Variants in XPO7 observed in about 807,000 individuals in gnomAD.
The protein encoded by XPO7 is exportin-7.
XPO7 carries 21 observed loss-of-function variants against 144.3 expected under a neutral mutation model. That is an observed-to-expected ratio of 0.15 (90% CI 0.10 to 0.21). The LOEUF (loss-of-function observed/expected upper bound fraction) is 0.21. Ranked by LOEUF, XPO7 falls within the 10% of genes least tolerant of loss-of-function variation. The pLI, the probability that XPO7 is intolerant of heterozygous loss-of-function variation, is 1.00. For synonymous variants in XPO7, 580 were observed against 499.6 expected, an observed-to-expected ratio of 1.16 and a Z score of -2.15; for missense variants, 808 against 1,325.8, an observed-to-expected ratio of 0.61 and a Z score of 6.06.
intron 13 of XPO7, 44 bp downstream of exon 13, chr8:21,985,735 C>T: frequency 6.5e-7 from 1 of 1,542,634 alleles, no homozygotes; most frequent in Non-Finnish European, 9.0e-7. Context: ...CTTGCTGGCA[C>T]TTCTCCACTC....
intron 16 of XPO7, 110 bp downstream of exon 16, chr8:21,989,193 C>T (rs918767084): frequency 2.1e-6 from 2 of 974,460 alleles, no homozygotes; most frequent in Non-Finnish European, 3.0e-6. Flanking sequence ...TGTGTACTCA[C>T]ATATCTTCCA....
At chr8:21,932,386 A>G (rs562053097) in intron 1 of XPO7, among the ~76,000 whole-genome samples, 1 of 152,302 alleles carries the variant, frequency 6.6e-6, no homozygotes, top group South Asian at 2.1e-4. Flanking sequence ...ACATTTACTT[A>G]ATATTCTTTT....
chr8:21,931,318 A>C (rs1810642167), intron 1 of XPO7, among the ~76,000 whole-genome samples: 1 of 152,038 alleles, frequency 6.6e-6, no homozygotes, highest in African/African-American at 2.4e-5. Context: ...GCCTGCCACC[A>C]CACGCAGTTA....
intron 1 of XPO7, among the ~76,000 whole-genome samples, chr8:21,925,530 A>G (rs1810431652): frequency 6.6e-6 from 1 of 152,180 alleles, no homozygotes; most frequent in Admixed American, 6.5e-5. Flanking sequence ...GATTTAGATG[A>G]TGTTCATGGT....
chr8:21,977,735 A>C (rs1244666826), intron 7 of XPO7, 35 bp from the exon 8 acceptor site: 6 of 1,605,238 alleles, frequency 3.7e-6, no homozygotes, highest in South Asian at 1.1e-5. Context: ...GTTCATACTT[A>C]ATAAAGTGAT....
At chr8:21,932,550 G>A (rs1315253794) in intron 1 of XPO7, among the ~76,000 whole-genome samples, 1 of 152,010 alleles carries the variant, frequency 6.6e-6, no homozygotes. Flanking sequence ...CTTTCTTGCC[G>A]AATCTTCTAA....
chr8:21,987,315 C>T (rs1161537495), intron 14 of XPO7, 39 bp downstream of exon 14: 6 of 1,612,204 alleles, frequency 3.7e-6, no homozygotes, highest in Non-Finnish European at 5.1e-6. Context: ...GTTCTCACTT[C>T]TCACTTGTGG....
At chr8:21,951,806 G>T (rs1333701246) in intron 1 of XPO7, among the ~76,000 whole-genome samples, 2 of 147,948 alleles carry the variant, frequency 1.4e-5, no homozygotes, top group African/African-American at 4.9e-5. Context: ...TTTATGAAGA[G>T]TATGTATGGT....
intron 2 of XPO7, among the ~76,000 whole-genome samples, chr8:21,968,060 A>G (rs939890171): frequency 2.6e-5 from 4 of 152,166 alleles, no homozygotes; most frequent in Admixed American, 2.0e-4. Flanking sequence ...GCTTACCTAT[A>G]TTACGCTCTT....
chr8:21,999,232 G>A lies in XPO7; in HGVS notation c.2570G>A (p.Gly857Glu). The A allele has an allele frequency of 6.2e-7, 1 of 1,613,866 alleles. No homozygotes were observed. The highest frequency in any genetic ancestry group is 8.5e-7 in the Non-Finnish European group (1 of 1,179,886). The change falls in exon 23 of 28, where the codon GGA (glycine) becomes GAA (glutamate). Residue 857 changes from glycine to glutamate, a missense_variant. By Grantham distance (98) the Gly-to-Glu change is moderately conservative. Coordinates refer to ENST00000252512, the MANE Select transcript of XPO7 (RefSeq NM_015024.5). Reference protein sequence around the residue: ...YVNFGVFRLYGDDALDNALQT... With the variant: ...YVNFGVFRLYEDDALDNALQT... ...AATTTCGGAGTCTTTCGTCTCTATG[G>A]AGACGATGCCCTGGACAATGCTCTG...
intron 1 of XPO7, among the ~76,000 whole-genome samples, chr8:21,954,310 T>C (rs1174793014): frequency 6.6e-6 from 1 of 152,170 alleles, no homozygotes; most frequent in Admixed American, 6.5e-5. Context: ...TTGAATGTTG[T>C]ATCAAATTGA....
intron 1 of XPO7, among the ~76,000 whole-genome samples, chr8:21,925,289 A>ATG (rs1244194768): frequency 1.3e-5 from 2 of 152,214 alleles, no homozygotes; most frequent in East Asian, 3.8e-4. Flanking sequence ...CCCTTCGCAC[A>ATG]TGTGTGCATG....
rs761782919 is a variant in XPO7 at position 21,984,816 on chromosome 8, C to G, written c.1448C>G (p.Pro483Arg). 1.2e-6 allele frequency: 2 copies of G among 1,613,902 alleles called. No homozygotes were observed. The highest frequency in any genetic ancestry group is 1.7e-6 in the Non-Finnish European group (2 of 1,179,894). ...QELLQSASAS[P>R]MDIAVQEGRL... ...CTGCTACAGAGCGCCAGCGCAAGCC[C>G]AATGGACATTGCAGTGCAGGAGGGT... Residue 483 changes from proline (P) to arginine (R), a missense_variant, in exon 12 of 28, where the codon CCA becomes CGA. By Grantham distance (103) the Pro-to-Arg change is moderately radical. Around this residue, in one of 5 missense-constraint regions of XPO7, gnomAD observed 416 missense variants for 612.5 expected, o/e 0.68. Transcript: ENST00000252512.
intron 17 of XPO7, 158 bp downstream of exon 17, chr8:21,990,565 A>C: frequency 1.2e-6 from 1 of 860,510 alleles, no homozygotes. Flanking sequence ...TTACGTCATC[A>C]GAGTGGCTCT....
chr8:21,970,138 T>A lies in XPO7; in HGVS notation c.260-6T>A, dbSNP rs1363463174. On this transcript the variant is annotated splice_polypyrimidine_tract_variant and splice_region_variant and intron_variant, in intron 3 of 27. Transcript: ENST00000252512. ...ATTGGTTTTGTTTCTTGTTTTTTTTTAATAGGGAACTATGTGCTCAACTAC... is the reference window on the plus strand; with the variant it reads ...ATTGGTTTTGTTTCTTGTTTTTTTTAAATAGGGAACTATGTGCTCAACTAC... The A allele has an allele frequency of 3.7e-6, 6 of 1,602,826 alleles. No individual in the cohort carries two copies. Among genetic ancestry groups the A allele is most frequent in the Admixed American group, 1.7e-5 (1 of 57,172 alleles).
intron 7 of XPO7, 117 bp from the exon 8 acceptor site, chr8:21,977,653 A>T (rs1181160520): frequency 8.7e-6 from 8 of 920,360 alleles, no homozygotes; most frequent in Non-Finnish European, 1.3e-5. Context: ...AAGGAAATAA[A>T]TACTCTGTAA....
Position 21,999,093 on chromosome 8 carries a change from A to G in XPO7, c.2431A>G (p.Asn811Asp). Residue 811 changes from asparagine (N) to aspartate (D), a missense_variant and splice_region_variant, in exon 23 of 28, where the codon AAT becomes GAT. Physicochemically the swap from Asn to Asp is conservative, Grantham distance 23 (BLOSUM62 1). Coordinates refer to ENST00000252512, the MANE Select transcript of XPO7 (RefSeq NM_015024.5). ...ETSKMITMYG[N>D]RILTLGEVPK... ...ACATATATGACATGTCTACTCAGGCAATCGCATCCTGACACTAGGAGAGGT... is the reference window on the plus strand; with the variant it reads ...ACATATATGACATGTCTACTCAGGCGATCGCATCCTGACACTAGGAGAGGT... 1 of 1,614,004 alleles carries G rather than the reference A, an allele frequency of 6.2e-7. No homozygotes were observed. The highest frequency in any genetic ancestry group is 8.5e-7 in the Non-Finnish European group (1 of 1,179,884).
intron 1 of XPO7, among the ~76,000 whole-genome samples, chr8:21,956,890 A>G (rs1811553901): frequency 6.6e-6 from 1 of 152,046 alleles, no homozygotes; most frequent in Non-Finnish European, 1.5e-5. Flanking sequence ...TTAGCTGTCT[A>G]TCTTCCATGT....
intron 1 of XPO7, among the ~76,000 whole-genome samples, chr8:21,944,889 G>A (rs1479083613): frequency 1.3e-5 from 2 of 152,118 alleles, no homozygotes; most frequent in Admixed American, 6.5e-5. Flanking sequence ...ACCCTTAGTG[G>A]ACACAGCACA....
Sources: allele counts gnomAD v4.1 joint callset (sites outside exome capture counted in the v4.1 genomes callset), GRCh38; gene constraint gnomAD v4.1.1; regional missense constraint gnomAD v4.1.1; transcripts MANE v1.5; gene names NCBI Gene and HGNC (gene_info 2026-07-23, HGNC 2026-07-21).